The following HYCC2 variants were observed in gnomAD, a reference collection of about 807,000 sequenced individuals.
HYCC2 encodes hyccin PI4KA lipid kinase complex subunit 2, also known as hyccin 2.
the HYCC2 span, among the ~76,000 whole-genome samples, chr2:201,034,948 G>GTAGA: frequency 1.6e-4 from 25 of 152,340 alleles, no homozygotes; most frequent in East Asian, 4.6e-3. Context: ...CTTCTGGCTT[G>GTAGA]TAGAGTTTCT....
At chr2:201,034,171 C>T in the HYCC2 span, among the ~76,000 whole-genome samples, 1 of 151,722 alleles carries the variant, frequency 6.6e-6, no homozygotes, top group Non-Finnish European at 1.5e-5. Context: ...CACATATTTC[C>T]CAACTCTATA....
chr2:201,053,008 G>T, the HYCC2 span, among the ~76,000 whole-genome samples: 2 of 152,144 alleles, frequency 1.3e-5, no homozygotes, highest in African/African-American at 2.4e-5. Flanking sequence ...AAATAGTGCC[G>T]CTTCTCACCA....
the HYCC2 span, chr2:201,022,491 A>C: frequency 4.4e-6 from 1 of 226,596 alleles, no homozygotes; most frequent in Non-Finnish European, 8.8e-6. Context: ...AGATAAATAA[A>C]GCTGGATCAG....
At chr2:201,069,525 G>A in the HYCC2 span, among the ~76,000 whole-genome samples, 1 of 147,678 alleles carries the variant, frequency 6.8e-6, no homozygotes, top group African/African-American at 2.5e-5. Context: ...GCTCTAGTAG[G>A]CTGGTTACAT....
chr2:201,017,161 G>A, the HYCC2 span: 1 of 1,610,990 alleles, frequency 6.2e-7, no homozygotes, highest in Admixed American at 1.7e-5. Context: ...TGGCAGACAG[G>A]CTCCAGGAGC....
the HYCC2 span, chr2:200,979,120 G>GTA: frequency 6.6e-6 from 1 of 151,574 alleles, no homozygotes; most frequent in Admixed American, 6.6e-5. Flanking sequence ...GAAACTGCCT[G>GTA]TTTTAGTATG....
the HYCC2 span, among the ~76,000 whole-genome samples, chr2:201,042,761 C>T: frequency 6.6e-6 from 1 of 151,462 alleles, no homozygotes; most frequent in Non-Finnish European, 1.5e-5. Context: ...CCCCGCCCGC[C>T]GCCCCGTCTG....
At chr2:201,062,625 T>C in the HYCC2 span, among the ~76,000 whole-genome samples, 26 of 148,088 alleles carry the variant, frequency 1.8e-4, no homozygotes, top group Non-Finnish European at 3.0e-5. Flanking sequence ...CACTCCAGCC[T>C]GGGCAACAGA....
the HYCC2 span, among the ~76,000 whole-genome samples, chr2:201,000,057 CAAAAAAAAAAAA>C: frequency 5.8e-5 from 2 of 34,760 alleles, no homozygotes; most frequent in East Asian, 1.7e-3. Context: ...GACTCCGTCT[CAAAAAAAAAAAA>C]AAAAAAAAAA....
chr2:201,043,564 A>G, the HYCC2 span, among the ~76,000 whole-genome samples: 1 of 145,988 alleles, frequency 6.8e-6, no homozygotes, highest in East Asian at 2.0e-4. Flanking sequence ...GCTAGAGTGC[A>G]GTGGCGTGAT....
chr2:200,977,318 A>G, the HYCC2 span: 6 of 152,166 alleles, frequency 3.9e-5, no homozygotes, highest in African/African-American at 7.2e-5. Context: ...TGCTTTAGGT[A>G]TATGATCTTG....
the HYCC2 span, among the ~76,000 whole-genome samples, chr2:201,045,960 C>G: frequency 1.2e-3 from 188 of 152,182 alleles, no homozygotes; most frequent in Non-Finnish European, 2.4e-3. Context: ...TTCTTTCTCT[C>G]TCTCTCATAC....
chr2:201,063,681 G>A, the HYCC2 span: 2 of 1,577,070 alleles, frequency 1.3e-6, no homozygotes, highest in East Asian at 4.5e-5. Context: ...GGTCGAAGTG[G>A]TTCTGGAAAC....
At chr2:201,016,098 T>A in the HYCC2 span, among the ~76,000 whole-genome samples, 10 of 152,202 alleles carry the variant, frequency 6.6e-5, no homozygotes, top group Non-Finnish European at 1.3e-4. Flanking sequence ...CTCAATGGCA[T>A]ACATCCAAAA....
At chr2:201,038,946 C>T in the HYCC2 span, among the ~76,000 whole-genome samples, 2 of 151,666 alleles carry the variant, frequency 1.3e-5, no homozygotes, top group Admixed American at 6.6e-5. Context: ...AAAAGCTTAA[C>T]TAAAAGACAA....
chr2:201,056,472 C>T, the HYCC2 span, among the ~76,000 whole-genome samples: 144 of 152,060 alleles, frequency 9.5e-4, 2 homozygotes, highest in East Asian at 0.019. Context: ...GTTGGGAGTT[C>T]GAGACCAGCC....
chr2:201,037,787 C>A, the HYCC2 span, among the ~76,000 whole-genome samples: 2 of 152,196 alleles, frequency 1.3e-5, no homozygotes, highest in African/African-American at 4.8e-5. Context: ...ACCATAAAAA[C>A]CCTAGAAGAA....
At chr2:201,047,326 A>G in the HYCC2 span, among the ~76,000 whole-genome samples, 1 of 151,884 alleles carries the variant, frequency 6.6e-6, no homozygotes, top group Non-Finnish European at 1.5e-5. Context: ...CATAAAGGGA[A>G]AAGAATGGAA....
chr2:200,989,204 C>T, the HYCC2 span, among the ~76,000 whole-genome samples: 1 of 152,234 alleles, frequency 6.6e-6, no homozygotes, highest in South Asian at 2.1e-4. Context: ...CCTCAGAGAC[C>T]ACTGACAATA....
Sources: gnomAD v4.1 joint callset for allele counts (sites outside exome capture counted in the v4.1 genomes callset) on GRCh38, gnomAD v4.1.1 for gene constraint, MANE v1.5 for transcripts, NCBI Gene and HGNC (gene_info 2026-07-23, HGNC 2026-07-21) for gene names.